WDR12: variants seen among roughly 807,000 people sequenced by gnomAD.
The protein encoded by WDR12 is WD repeat domain 12, also known as ribosome biogenesis protein WDR12.
A neutral mutation model predicts 64.3 loss-of-function variants in WDR12; 42 were observed. That is an observed-to-expected ratio of 0.65 (90% confidence interval 0.51 to 0.84). The LOEUF is 0.84. Among genes scored for constraint, WDR12 ranks in the 40% least tolerant of loss-of-function variants. The pLI is 0.00. For missense variants in WDR12, 469 were observed against 494.6 expected (o/e 0.95, Z 0.49); for synonymous variants, 158 against 173.3 (o/e 0.91, Z 0.70).
In WDR12 at chr2:202,896,202, A is replaced by G. The variant is rs779773634; in HGVS notation, c.472T>C (p.Leu158=). 2.5e-6 allele frequency: 4 copies of G among 1,613,876 alleles called. No homozygotes were observed. Among genetic ancestry groups the G allele is most frequent in the South Asian group, 2.2e-5 (2 of 91,032 alleles). ...GTCTGATCCATAGAAGCACTCAATAATAAGCAGGACAAACTATCTGGAGAA... is the reference window on the plus strand; with the variant it reads ...GTCTGATCCATAGAAGCACTCAATAGTAAGCAGGACAAACTATCTGGAGAA... The part of the protein sequence containing the change: ...WVKKDSLSCL[L]LSASMDQTIL... The change falls in exon 6 of 13, where the codon TTA becomes CTA. Residue 158 remains leucine (L), a synonymous_variant. Transcript: ENST00000261015.
rs1386139506 is a variant in WDR12 at position 202,880,898 on chromosome 2, A to G, written c.1234T>C (p.Tyr412His). 1.2e-6 allele frequency: 2 copies of G among 1,610,630 alleles called. No individual in the cohort carries two copies. The highest frequency in any genetic ancestry group is 1.7e-6 in the Non-Finnish European group (2 of 1,178,318). Reference sequence around the variant, plus strand: ...TGGGAAGTGGTAGGTGAATATCTGTAGGAATACAATTTATTGTCTGCTCCT... The same window carrying G: ...TGGGAAGTGGTAGGTGAATATCTGTGGGAATACAATTTATTGTCTGCTCCT... ...SGGADNKLYS[Y>H]RYSPTTSHVG... The change falls in exon 13 of 13, where the codon TAC (tyrosine) becomes CAC (histidine). Residue 412 changes from tyrosine (Y) to histidine (H), a missense_variant. Transcript: ENST00000261015.
At chr2:202,886,441 C>T (rs940723811) in intron 8 of WDR12, among the ~76,000 whole-genome samples, 1 of 149,676 alleles carries the variant, frequency 6.7e-6, no homozygotes, top group Non-Finnish European at 1.5e-5. Context: ...CTGGGCAACA[C>T]AGTGAGAGTC....
At chr2:202,881,938 GTATTAT>G (rs1264551364) in intron 12 of WDR12, among the ~76,000 whole-genome samples, 1 of 151,914 alleles carries the variant, frequency 6.6e-6, no homozygotes, top group South Asian at 2.1e-4. Context: ...ACTATTCCTA[GTATTAT>G]TATTATTTTG....
intron 2 of WDR12, among the ~76,000 whole-genome samples, chr2:202,907,207 A>G (rs1688474327): frequency 6.6e-6 from 1 of 152,144 alleles, no homozygotes; most frequent in Non-Finnish European, 1.5e-5. Context: ...TCGGCCTCCC[A>G]AAGTGCTGGG....
At chr2:202,894,492 G>T in intron 7 of WDR12, 89 bp downstream of exon 7, 1 of 1,167,994 alleles carries the variant, frequency 8.6e-7, no homozygotes, top group Non-Finnish European at 1.2e-6. Flanking sequence ...GAAGTGCTGA[G>T]ATTATAGGCG....
intron 8 of WDR12, among the ~76,000 whole-genome samples, chr2:202,890,055 A>G (rs1267755972): frequency 6.6e-6 from 1 of 151,706 alleles, no homozygotes; most frequent in Non-Finnish European, 1.5e-5. Context: ...GACAAAACCC[A>G]ATATCTACAA....
chr2:202,899,492 CA>C lies in WDR12; in HGVS notation c.338+38del, dbSNP rs765994790. On this transcript the variant is annotated intron_variant, in intron 4 of 12. Transcript: ENST00000261015. ...TTAAAAAGACTGAAGGAGGTAAAAA[CA>C]AAACAAAAAAAAGAGAAGGGCATTA... The C allele has an allele frequency of 3.2e-6, 5 of 1,578,076 alleles. No homozygotes were observed. The Admixed American group carries it at 7.1e-5, about 22-fold the overall frequency.
intron 2 of WDR12, among the ~76,000 whole-genome samples, chr2:202,901,540 A>G (rs972119306): frequency 1.3e-5 from 2 of 152,208 alleles, no homozygotes; most frequent in Non-Finnish European, 2.9e-5. Context: ...ATTTGTCACA[A>G]TATTTTAAAA....
chr2:202,877,961 G>A lies in WDR12; in HGVS notation c.*2899C>T, dbSNP rs1687890958. 1 of 152,170 alleles carries A rather than the reference G, an allele frequency of 6.6e-6. No individual in the cohort carries two copies. The highest frequency in any genetic ancestry group is 2.1e-4 in the South Asian group (1 of 4,828). The allele number at this position is 152,170 out of a possible 1,614,324, so 9.4% of individuals were successfully genotyped here. ...GAAAGGGTGTGGAGCAATATCAGAGGACTGAATAGTCTAGGCATGTATTGA... is the reference window on the plus strand; with the variant it reads ...GAAAGGGTGTGGAGCAATATCAGAGAACTGAATAGTCTAGGCATGTATTGA... On this transcript the variant is annotated 3_prime_UTR_variant, in exon 13 of 13. Transcript: ENST00000261015.
chr2:202,910,040 C>T (rs757507112), intron 1 of WDR12, among the ~76,000 whole-genome samples: 3 of 152,074 alleles, frequency 2.0e-5, no homozygotes, highest in Non-Finnish European at 4.4e-5. Flanking sequence ...AAGCGATTTG[C>T]GTTCCTCAGC....
At chr2:202,886,008 C>G (rs2043849) in intron 8 of WDR12, among the ~76,000 whole-genome samples, 133,818 of 152,210 alleles carry the variant, frequency 0.88, 59,700 homozygotes, top group Non-Finnish European at 0.95. Flanking sequence ...AGTGAGCTAC[C>G]ATCACGCCAC....
intron 6 of WDR12, among the ~76,000 whole-genome samples, chr2:202,895,631 T>C (rs1327202762): frequency 6.7e-6 from 1 of 150,364 alleles, no homozygotes; most frequent in East Asian, 2.0e-4. Flanking sequence ...CAAGTGATTC[T>C]CCTACCTCAG....
Position 202,907,866 on chromosome 2 carries a change from AT to A in WDR12, c.134del (p.Asn45MetfsTer39). On this transcript the variant is annotated frameshift_variant and splice_region_variant, in exon 2 of 13. Coordinates refer to ENST00000261015, the MANE Select transcript of WDR12 (RefSeq NM_018256.4). LOFTEE classifies it high-confidence loss of function. ...NIINKLLKDKNEFHKHVEFDF... is the reference protein window; with the variant it reads ...NIINKLLKDKXEFHKHVEFDF... Reference sequence around the variant, plus strand: ...CCTCTCCTAAGCATATATACCCACCATTTTTGTCCTTTAGTAGTTTATTGAT... The same window carrying A: ...CCTCTCCTAAGCATATATACCCACCATTTTGTCCTTTAGTAGTTTATTGAT... 4 of 1,611,876 alleles carry A rather than the reference AT, an allele frequency of 2.5e-6. No individual in the cohort carries two copies. The highest frequency in any genetic ancestry group is 2.5e-6 in the Non-Finnish European group (3 of 1,178,196).
intron 6 of WDR12, among the ~76,000 whole-genome samples, chr2:202,895,578 CA>C: frequency 7.2e-6 from 1 of 139,800 alleles, no homozygotes; most frequent in East Asian, 2.1e-4. Context: ...GGCTGGAGTG[CA>C]ACGGTGCAAT....
At chr2:202,882,201 T>C (rs1291029059) in intron 12 of WDR12, among the ~76,000 whole-genome samples, 1 of 152,138 alleles carries the variant, frequency 6.6e-6, no homozygotes. Flanking sequence ...AGTGGTAGGA[T>C]TACAGGCATA....
chr2:202,891,411 A>G (rs1688154062), intron 8 of WDR12, among the ~76,000 whole-genome samples: 1 of 152,136 alleles, frequency 6.6e-6, no homozygotes, highest in Non-Finnish European at 1.5e-5. Context: ...TGGCCTCCCA[A>G]AGTGCTGGGA....
At chr2:202,882,023 C>T (rs1451283176) in intron 12 of WDR12, among the ~76,000 whole-genome samples, 1 of 152,028 alleles carries the variant, frequency 6.6e-6, no homozygotes, top group African/African-American at 2.4e-5. Context: ...GCATCCTCGA[C>T]CTCCCAGGCA....
chr2:202,899,675 T>C, intron 3 of WDR12, 38 bp from the exon 4 acceptor site: 1 of 1,573,988 alleles, frequency 6.4e-7, no homozygotes, highest in Non-Finnish European at 8.7e-7. Context: ...TCAGGTGGTC[T>C]AGTTTTAAAA....
chr2:202,877,856 T>C lies in WDR12; in HGVS notation c.*3004A>G, dbSNP rs1348889123. ...TTTATCCAAGTGATTCTTGGGAATA[T>C]ATAAGTCCATGTAAAGCAGGCATCT... is the stretch of plus-strand genomic sequence containing the variant. On this transcript the variant is annotated 3_prime_UTR_variant, in exon 13 of 13. Coordinates refer to ENST00000261015, the MANE Select transcript of WDR12 (RefSeq NM_018256.4). 1 of 152,236 alleles carries C rather than the reference T, an allele frequency of 6.6e-6. No homozygotes were observed. The highest frequency in any genetic ancestry group is 1.5e-5 in the Non-Finnish European group (1 of 68,062). The allele number at this position is 152,236 out of a possible 1,614,324, so 9.4% of individuals were successfully genotyped here. A position where few individuals can be genotyped will look rare whatever the true frequency, so the allele number is the denominator to read the frequency against.
Sources: gnomAD v4.1 joint callset for allele counts (sites outside exome capture counted in the v4.1 genomes callset) on GRCh38, gnomAD v4.1.1 for gene constraint, MANE v1.5 for transcripts, NCBI Gene and HGNC (gene_info 2026-07-23, HGNC 2026-07-21) for gene names.